Variants in FAM20C observed in about 807,000 individuals in gnomAD.
FAM20C encodes FAM20C golgi associated secretory pathway kinase.
Under a neutral mutation model 51.5 loss-of-function variants are expected in FAM20C, and 40 were observed. The ratio of observed to expected loss-of-function variants is 0.78; its 90% CI spans 0.60 to 1.01. The LOEUF (loss-of-function observed/expected upper bound fraction) is 1.01, where lower values mean the gene tolerates loss of function less well. Ranked by LOEUF, FAM20C falls within the 50% of genes least tolerant of loss-of-function variation. The probability of loss-of-function intolerance (pLI) is 0.00; values close to 1 mark genes in which losing one functional copy is unlikely to be tolerated. For missense variants in FAM20C, 861 were observed against 844.7 expected (o/e 1.02, Z -0.24); for synonymous variants, 406 against 380.6 (o/e 1.07, Z -0.78).
chr7:250,807 A>G (rs911365331), intron 5 of FAM20C, among the ~76,000 whole-genome samples: 1 of 152,134 alleles, frequency 6.6e-6, no homozygotes, highest in African/African-American at 2.4e-5. Context: ...CTTCTTATCC[A>G]CGTCTTTTTA....
chr7:210,490 C>T (rs1786659405), intron 3 of FAM20C, among the ~76,000 whole-genome samples: 1 of 152,134 alleles, frequency 6.6e-6, no homozygotes, highest in African/African-American at 2.4e-5. Flanking sequence ...TGGACCCTTC[C>T]GCTGGCAGTA....
chr7:234,182 C>T (rs1464844610), intron 3 of FAM20C, among the ~76,000 whole-genome samples: 10 of 152,364 alleles, frequency 6.6e-5, no homozygotes, highest in South Asian at 2.1e-4. Flanking sequence ...AGAGCCTTCC[C>T]GGGCTCGGCC....
At position 257,016 on chromosome 7, in the gene FAM20C, C is replaced by A. The variant is rs1232400875; in HGVS notation, c.1375C>A (p.Arg459Ser). 1 of 1,537,136 alleles carries A rather than the reference C, an allele frequency of 6.5e-7. No homozygotes were observed. Among genetic ancestry groups the A allele is most frequent in the Non-Finnish European group, 8.7e-7 (1 of 1,146,894 alleles). The change falls in exon 8 of 10, where the codon CGT (arginine) becomes AGT (serine). Residue 459 changes from arginine to serine, a missense_variant. Transcript: ENST00000313766. ...GCCTCTCTCCGCAGGAAACATGGAC[C>A]GTCACCACTACGAGACTTTTGAGAA... Reference protein sequence around the residue: ...IFDFLMGNMDRHHYETFEKFG... With the variant: ...IFDFLMGNMDSHHYETFEKFG...
At chr7:244,520 C>T (rs1322314027) in intron 3 of FAM20C, among the ~76,000 whole-genome samples, 2 of 152,222 alleles carry the variant, frequency 1.3e-5, no homozygotes, top group Non-Finnish European at 2.9e-5. Flanking sequence ...TTCTCTTGAA[C>T]CTCAGGATCC....
rs1336028410 is a variant in FAM20C at position 193,235 on chromosome 7, C to T, written c.36C>T (p.Leu12=). The T allele has an allele frequency of 2.0e-5, 29 of 1,466,174 alleles. No homozygotes were observed. Among genetic ancestry groups the T allele is most frequent in the South Asian group, 2.4e-5 (2 of 81,862 alleles). 90.8% of individuals were successfully genotyped at this position (1,466,174 alleles called of 1,614,324 possible). A position where few individuals can be genotyped will look rare whatever the true frequency, so the allele number is the denominator to read the frequency against. Residue 12 remains leucine (L), a synonymous_variant, in exon 1 of 10, where the codon CTC becomes CTT. Transcript: ENST00000313766. ...TGCTGGTGCGCCGGTTCCGCGTGCT[C>T]ATCCTGATGGTGTTCCTGGTGGCCT... ...KMMLVRRFRV[L]ILMVFLVACA...
At chr7:216,678 T>A (rs1199349980) in intron 3 of FAM20C, among the ~76,000 whole-genome samples, 1 of 110,360 alleles carries the variant, frequency 9.1e-6, no homozygotes, top group East Asian at 3.6e-4. Flanking sequence ...ACAGAGTGTG[T>A]GTGAGAGTGT....
intron 3 of FAM20C, among the ~76,000 whole-genome samples, 152 bp downstream of exon 3, chr7:209,128 G>C (rs1256334684): frequency 6.6e-6 from 1 of 152,156 alleles, no homozygotes; most frequent in Non-Finnish European, 1.5e-5. Context: ...CATGGCAAAC[G>C]AGCAACAGAG....
In FAM20C at chr7:193,080, T is replaced by C. The variant is rs1785640061; in HGVS notation, c.-120T>C. ...CCGGGCCCGGGGACAGCCCCGGAGC[T>C]GGTAGCCGCCCGGCACCGATGGACC... On this transcript the variant is annotated 5_prime_UTR_variant, in exon 1 of 10. Transcript: ENST00000313766. 3.5e-6 allele frequency: 3 copies of C among 866,990 alleles called. No homozygotes were observed. Among genetic ancestry groups the C allele is most frequent in the South Asian group, 6.1e-5 (2 of 32,632 alleles). 53.7% of individuals were successfully genotyped at this position (866,990 alleles called of 1,614,324 possible).
intron 2 of FAM20C, among the ~76,000 whole-genome samples, chr7:206,551 T>C (rs1786401266): frequency 9.8e-6 from 1 of 102,068 alleles, no homozygotes; most frequent in Non-Finnish European, 2.2e-5. Context: ...ACGTGTCCAC[T>C]GTGACGCGTC....
chr7:218,978 C>A (rs1787129242), intron 3 of FAM20C, among the ~76,000 whole-genome samples: 2 of 152,256 alleles, frequency 1.3e-5, no homozygotes, highest in South Asian at 4.1e-4. Context: ...CCAGCCCAAA[C>A]CCAGTGGCAT....
rs1349361647 is a variant in FAM20C at position 193,806 on chromosome 7, T to G, written c.605+2T>G. The G allele has an allele frequency of 6.4e-7, 1 of 1,554,628 alleles. No homozygotes were observed. Among genetic ancestry groups the G allele is most frequent in the South Asian group, 1.2e-5 (1 of 84,300 alleles). On this transcript the variant is annotated splice_donor_variant, in intron 1 of 9. Transcript: ENST00000313766. LOFTEE classifies it high-confidence loss of function. ...CAAAGCGGCGGAGAACCCGGACTGG[T>G]GAGTGGGGGCTGGCAGGTGCCCACC...
chr7:193,596 G>A lies in FAM20C; in HGVS notation c.397G>A (p.Asp133Asn). 1.3e-6 allele frequency: 2 copies of A among 1,535,864 alleles called. No individual in the cohort carries two copies. Among genetic ancestry groups the A allele is most frequent in the Non-Finnish European group, 1.8e-6 (2 of 1,141,292 alleles). Residue 133 changes from aspartate to asparagine, a missense_variant, in exon 1 of 10, where the codon GAC (aspartate) becomes AAC (asparagine). Asp to Asn is a conservative substitution (Grantham distance 23). Coordinates refer to ENST00000313766, the MANE Select transcript of FAM20C (RefSeq NM_020223.4). ...GGATCCCGGCGCCCTAAGACCCCAC[G>A]ACCCCGCGCACCGGCCGCTGCTGCG... ...GRDPGALRPH[D>N]PAHRPLLRDP...
intron 3 of FAM20C, among the ~76,000 whole-genome samples, chr7:227,185 C>T (rs1326499838): frequency 6.6e-6 from 1 of 151,968 alleles, no homozygotes; most frequent in African/African-American, 2.4e-5. Context: ...GTATTTTCTC[C>T]AGTTATGACG....
At chr7:255,412 A>G (rs1788553335) in intron 5 of FAM20C, among the ~76,000 whole-genome samples, 1 of 152,014 alleles carries the variant, frequency 6.6e-6, no homozygotes, top group South Asian at 2.1e-4. Context: ...CTGCCCATTT[A>G]TTAGTTTTTT....
intron 8 of FAM20C, among the ~76,000 whole-genome samples, chr7:258,305 T>C (rs878901183): frequency 0.05 from 846 of 16,964 alleles, 44 homozygotes; most frequent in Middle Eastern, 0.14. Flanking sequence ...TGGAGATGGG[T>C]GGGATGGACC....
At chr7:203,344 T>C (rs112692127) in intron 2 of FAM20C, among the ~76,000 whole-genome samples, 26 of 152,318 alleles carry the variant, frequency 1.7e-4, no homozygotes, top group African/African-American at 5.8e-4. Context: ...TCGTGAACTT[T>C]GGTCTATCTT....
chr7:222,181 G>A (rs543301335), intron 3 of FAM20C, among the ~76,000 whole-genome samples: 7 of 152,282 alleles, frequency 4.6e-5, no homozygotes, highest in African/African-American at 1.7e-4. Flanking sequence ...ACGCAGGGAT[G>A]TCTGGAGGTC....
At position 252,914 on chromosome 7, in the gene FAM20C, G is replaced by T. The variant is rs577465459; in HGVS notation, c.1073-2935G>T. Among the ~76,000 whole-genome samples, 64 of 152,378 alleles carry T rather than the reference G, an allele frequency of 4.2e-4. 1 individual carries two copies. The highest frequency in any genetic ancestry group is 1.5e-3 in the African/African-American group (64 of 41,598). ...GTCTGCACGTTGCAAACGTCCCAGAGGTGCACAGGTCATCCGTGCACAGCT... is the reference window on the plus strand; with the variant it reads ...GTCTGCACGTTGCAAACGTCCCAGATGTGCACAGGTCATCCGTGCACAGCT... On this transcript the variant is annotated intron_variant, in intron 5 of 9. Coordinates refer to ENST00000313766, the MANE Select transcript of FAM20C (RefSeq NM_020223.4).
intron 2 of FAM20C, among the ~76,000 whole-genome samples, chr7:195,988 G>A (rs1246156528): frequency 3.9e-5 from 6 of 152,252 alleles, no homozygotes; most frequent in South Asian, 2.1e-4. Flanking sequence ...TGCGCTCTGC[G>A]TCCTCACCTG....
Sources: gnomAD v4.1 joint callset for allele counts (sites outside exome capture counted in the v4.1 genomes callset) on GRCh38, gnomAD v4.1.1 for gene constraint, MANE v1.5 for transcripts, NCBI Gene and HGNC (gene_info 2026-07-23, HGNC 2026-07-21) for gene names.